The following NFATC2 variants were observed in gnomAD, a reference collection of about 807,000 sequenced individuals.
NFATC2 encodes nuclear factor of activated T-cells, cytoplasmic 2.
NFATC2 carries 22 observed loss-of-function variants against 87.3 expected under a neutral mutation model. That is an observed-to-expected ratio of 0.25 (90% CI 0.18 to 0.36). The LOEUF is 0.36. Among genes scored for constraint, NFATC2 ranks in the 10% least tolerant of loss-of-function variants. The probability of loss-of-function intolerance (pLI) is 1.00; values close to 1 mark genes in which losing one functional copy is unlikely to be tolerated. For missense variants in NFATC2, 1,149 were observed against 1,259.1 expected (o/e 0.91, Z 1.32); for synonymous variants, 565 against 542.2 (o/e 1.04, Z -0.58).
At chr20:51,422,574 T>C (rs1289238156) in intron 9 of NFATC2, among the ~76,000 whole-genome samples, 1 of 151,144 alleles carries the variant, frequency 6.6e-6, no homozygotes, top group Non-Finnish European at 1.5e-5. Context: ...CCCCTCTTTT[T>C]TTTTTTTTTT....
At chr20:51,503,910 C>T (rs1235587163) in intron 3 of NFATC2, among the ~76,000 whole-genome samples, 1 of 152,058 alleles carries the variant, frequency 6.6e-6, no homozygotes, top group East Asian at 1.9e-4. Flanking sequence ...GTGGTGCAAT[C>T]TTGGCTCACT....
At chr20:51,453,696 G>A (rs1435968299) in intron 6 of NFATC2, among the ~76,000 whole-genome samples, 1 of 152,150 alleles carries the variant, frequency 6.6e-6, no homozygotes, top group Admixed American at 6.5e-5. Flanking sequence ...AAAACATTAT[G>A]CGTCTCAGAG....
At chr20:51,540,666 T>TTTGTTTGTTTG in intron 1 of NFATC2, among the ~76,000 whole-genome samples, 1 of 145,250 alleles carries the variant, frequency 6.9e-6, no homozygotes. Context: ...TTGTTTTTTT[T>TTTGTTTGTTTG]TTTTTGAGAA....
intron 1 of NFATC2, among the ~76,000 whole-genome samples, chr20:51,554,867 T>C (rs926834515): frequency 2.6e-5 from 4 of 151,846 alleles, no homozygotes; most frequent in Non-Finnish European, 5.9e-5. Flanking sequence ...TAGCGGAGGG[T>C]GGAGGAGGAG....
chr20:51,397,307 C>T (rs144413194), intron 10 of NFATC2, among the ~76,000 whole-genome samples: 32 of 152,298 alleles, frequency 2.1e-4, no homozygotes, highest in Admixed American at 5.2e-4. Context: ...GAAACCTGGC[C>T]GTACTTGAGT....
At chr20:51,558,486 G>A (rs552346234) in intron 1 of NFATC2, among the ~76,000 whole-genome samples, 2 of 151,456 alleles carry the variant, frequency 1.3e-5, no homozygotes, top group Non-Finnish European at 2.9e-5. Context: ...GGTTTTTTTG[G>A]GGGGGGGCGA....
In NFATC2 at chr20:51,536,721, G is replaced by A. The variant is rs75033450; in HGVS notation, c.130+5649C>T. 2.0e-5 allele frequency among the ~76,000 whole-genome samples: 3 copies of A among 152,286 alleles called. No individual in the cohort carries two copies. The East Asian group carries it at 5.8e-4, about 29-fold the overall frequency. ...ATTTCCTCTGCCTCCCTGCAAGGCC[G>A]ATGCTCAGTTCTAGCCCTCATTTCA... On this transcript the variant is annotated intron_variant, in intron 1 of 10. Coordinates refer to ENST00000371564, the MANE Select transcript of NFATC2 (RefSeq NM_012340.5).
At chr20:51,487,198 C>T (rs1200675341) in intron 3 of NFATC2, among the ~76,000 whole-genome samples, 11 of 152,312 alleles carry the variant, frequency 7.2e-5, no homozygotes, top group Admixed American at 3.9e-4. Context: ...CCCCAAGAGA[C>T]GGCAACTGGG....
intron 1 of NFATC2, among the ~76,000 whole-genome samples, chr20:51,553,875 C>T (rs1443809302): frequency 6.6e-6 from 1 of 151,936 alleles, no homozygotes; most frequent in East Asian, 1.9e-4. Context: ...AATATCTGCC[C>T]ATCCCCACAA....
intron 6 of NFATC2, among the ~76,000 whole-genome samples, chr20:51,450,220 T>C (rs528785400): frequency 3.2e-4 from 49 of 152,314 alleles, no homozygotes; most frequent in African/African-American, 1.1e-3. Flanking sequence ...GATCAGGGAT[T>C]TGAACCCAGG....
intron 5 of NFATC2, among the ~76,000 whole-genome samples, chr20:51,469,944 A>G (rs1988045617): frequency 6.6e-6 from 1 of 152,222 alleles, no homozygotes; most frequent in Admixed American, 6.5e-5. Flanking sequence ...ATGACAGCCT[A>G]GGAAACTAAC....
At chr20:51,461,042 A>G (rs1987096436) in intron 5 of NFATC2, among the ~76,000 whole-genome samples, 1 of 152,226 alleles carries the variant, frequency 6.6e-6, no homozygotes, top group Non-Finnish European at 1.5e-5. Flanking sequence ...GAACTCCTCC[A>G]GGGCAGGCCC....
intron 9 of NFATC2, among the ~76,000 whole-genome samples, chr20:51,415,820 C>T (rs564172123): frequency 6.6e-6 from 1 of 152,316 alleles, no homozygotes; most frequent in South Asian, 2.1e-4. Context: ...ATTCCTCCTC[C>T]TCCTTTCCCT....
At chr20:51,517,069 A>T in intron 2 of NFATC2, 114 bp from the exon 3 acceptor site, 1 of 1,077,514 alleles carries the variant, frequency 9.3e-7, no homozygotes, top group East Asian at 2.6e-5. Context: ...GTATTGCTCA[A>T]CAATGAGGAT....
chr20:51,451,558 G>T (rs1318829226), intron 6 of NFATC2, among the ~76,000 whole-genome samples: 2 of 152,206 alleles, frequency 1.3e-5, no homozygotes, highest in Non-Finnish European at 2.9e-5. Flanking sequence ...CTAAAAATGT[G>T]GTATAGACCA....
rs146094763 is a variant in NFATC2, at chr20:51,552,750, C to A, written c.70+9810G>T. ...CAGGAGCTCCACCAAGTCCATCCTG[C>A]AGGCATATTATGTTTGGCCTGCCCA... is the stretch of plus-strand genomic sequence containing the variant. On this transcript the variant is annotated intron_variant, in intron 1 of 10. Coordinates refer to the NFATC2 transcript ENST00000414705. Among the ~76,000 whole-genome samples the A allele has an allele frequency of 1.6e-3, 250 of 152,266 alleles. 2 individuals carry two copies. Among genetic ancestry groups the A allele is most frequent in the African/African-American group, 5.6e-3 (234 of 41,548 alleles).
At chr20:51,484,108 G>A (rs76103140) in intron 3 of NFATC2, among the ~76,000 whole-genome samples, 12,460 of 148,278 alleles carry the variant, frequency 0.084, 611 homozygotes, top group Middle Eastern at 0.17. Context: ...TTCCCTCCCT[G>A]CTGCCCCCCA....
chr20:51,559,422 G>A (rs901295833), intron 1 of NFATC2, among the ~76,000 whole-genome samples: 3 of 152,114 alleles, frequency 2.0e-5, no homozygotes, highest in Non-Finnish European at 2.9e-5. Flanking sequence ...GTCCCACCTC[G>A]GTCACCTCAT....
At chr20:51,562,792 G>C (rs886573453), upstream of NFATC2, 5 of 583,112 alleles carry the variant, frequency 8.6e-6, no homozygotes, top group South Asian at 2.4e-5. This position sits in a 1 kb window ranked among gnomAD's most constrained non-coding sequence, Gnocchi z 5.8. Context: ...CTCCCGGCTC[G>C]GCGGAGTCGG....
Sources: allele counts gnomAD v4.1 joint callset (sites outside exome capture counted in the v4.1 genomes callset), GRCh38; gene constraint gnomAD v4.1.1; non-coding constraint Gnocchi (gnomAD v3.1); transcripts MANE v1.5; gene names NCBI Gene and HGNC (gene_info 2026-07-23, HGNC 2026-07-21).